CAMK1D: variants seen among roughly 807,000 people sequenced by gnomAD.
CAMK1D encodes calcium/calmodulin dependent protein kinase ID.
CAMK1D carries 9 observed loss-of-function variants against 47.7 expected under a neutral mutation model. The observed-to-expected ratio is 0.19, with a 90% confidence interval of 0.11 to 0.33. CAMK1D has a LOEUF of 0.33. CAMK1D is among the 10% of genes least tolerant of loss of function. The pLI is 1.00. For synonymous variants in CAMK1D, 184 were observed against 184.9 expected (o/e 0.99, Z 0.04); for missense variants, 291 against 488.7 (o/e 0.60, Z 3.81).
chr10:12,649,301 T>C lies in CAMK1D; in HGVS notation c.225-17435T>C, dbSNP rs1178670743. Among the ~76,000 whole-genome samples, 33 of 152,198 alleles carry C rather than the reference T, an allele frequency of 2.2e-4. 1 individual carries two copies. The highest frequency in any genetic ancestry group is 2.2e-3 in the Admixed American group (33 of 15,284). On this transcript the variant is annotated intron_variant, in intron 2 of 10. Coordinates refer to ENST00000619168, the MANE Select transcript of CAMK1D (RefSeq NM_153498.4). ...TTCCAAGTGTGAGTGAATGTTAAGATAGGAAGAAAAGAGCCAGCAGATAGA... is the reference window on the plus strand; with the variant it reads ...TTCCAAGTGTGAGTGAATGTTAAGACAGGAAGAAAAGAGCCAGCAGATAGA...
chr10:12,510,644 G>A (rs914715265), intron 1 of CAMK1D, among the ~76,000 whole-genome samples: 1 of 152,100 alleles, frequency 6.6e-6, no homozygotes, highest in Non-Finnish European at 1.5e-5. Context: ...TGCCACCTCC[G>A]GGACCCCCCT....
At chr10:12,538,532 A>C (rs1417415548) in intron 1 of CAMK1D, among the ~76,000 whole-genome samples, 4 of 152,176 alleles carry the variant, frequency 2.6e-5, no homozygotes, top group Non-Finnish European at 4.4e-5. Context: ...AAATCATGCT[A>C]GTATTACATT....
rs1332169260 is a variant in CAMK1D, at chr10:12,613,500, A to G, written c.225-53236A>G. The stretch of plus-strand genomic sequence containing the variant: ...TGGAACCCATTTCAACACTTTGTCC[A>G]TACAGTGGTTGAGAGTCGGTATCTA... On this transcript the variant is annotated intron_variant, in intron 2 of 10. Transcript: ENST00000619168. Among the ~76,000 whole-genome samples the G allele has an allele frequency of 3.3e-5, 5 of 152,234 alleles. No homozygotes were observed. The East Asian group carries it at 7.7e-4, about 23-fold the overall frequency.
At position 12,830,923 on chromosome 10, in the gene CAMK1D, A is replaced by G. The variant is rs61852169; in HGVS notation, c.*2036A>G. On this transcript the variant is annotated 3_prime_UTR_variant, in exon 11 of 11. Transcript: ENST00000619168. ...TGAGTGATGCCCCCCCACCCTCTCA[A>G]TAAACACACACACACACACACACAC... 9,116 of 134,050 alleles carry G rather than the reference A, an allele frequency of 0.068. 340 individuals carry two copies. Among genetic ancestry groups the G allele is most frequent in the South Asian group, 0.1 (415 of 3,964 alleles). The allele number at this position is 134,050 out of a possible 1,614,324, so 8.3% of individuals were successfully genotyped here.
intron 1 of CAMK1D, among the ~76,000 whole-genome samples, chr10:12,438,054 G>A (rs115410146): frequency 0.012 from 1,894 of 152,296 alleles, 50 homozygotes; most frequent in African/African-American, 0.043. Context: ...TGCATAAACT[G>A]TTTAGGTGCA....
intron 1 of CAMK1D, among the ~76,000 whole-genome samples, chr10:12,494,100 C>T (rs528141524): frequency 6.6e-6 from 1 of 152,032 alleles, no homozygotes; most frequent in Non-Finnish European, 1.5e-5. Context: ...CTGAGCCTGC[C>T]GTGGTTCCCA....
In CAMK1D at chr10:12,531,844, G is replaced by A. The variant is rs1835816022; in HGVS notation, c.93-21381G>A. On this transcript the variant is annotated intron_variant, in intron 1 of 10. Coordinates refer to ENST00000619168, the MANE Select transcript of CAMK1D (RefSeq NM_153498.4). ...TTGCTTTTGCTGGTCTTCCTACCTG[G>A]GTGGTTGGTACAGCAAATAACTGCT... 3.9e-5 allele frequency among the ~76,000 whole-genome samples: 6 copies of A among 152,216 alleles called. No homozygotes were observed. The South Asian group carries it at 1.2e-3, about 31-fold the overall frequency.
intron 3 of CAMK1D, among the ~76,000 whole-genome samples, chr10:12,732,604 G>C (rs111944704): frequency 6.6e-6 from 1 of 151,904 alleles, no homozygotes; most frequent in South Asian, 2.1e-4. Context: ...ATCAGATCTC[G>C]TGAGATTTAT....
intron 6 of CAMK1D, among the ~76,000 whole-genome samples, chr10:12,806,896 G>A (rs1838757199): frequency 1.3e-5 from 2 of 152,296 alleles, no homozygotes; most frequent in South Asian, 4.1e-4. Flanking sequence ...GGCTGTGGCG[G>A]TCTGGCTAGA....
rs1283572557 is a variant in CAMK1D at position 12,413,597 on chromosome 10, GTGA to G, written c.92+63696_92+63698del. Among the ~76,000 whole-genome samples the G allele has an allele frequency of 5.9e-4, 90 of 152,052 alleles. 1 individual carries two copies. Among genetic ancestry groups the G allele is most frequent in the African/African-American group, 8.9e-4 (37 of 41,422 alleles). On this transcript the variant is annotated intron_variant, in intron 1 of 10. Transcript: ENST00000619168. The stretch of plus-strand genomic sequence containing the variant: ...GGGGATGATGATAGTACTGGTGGTG[GTGA>G]TGATGATGGTGATGCTAATTATGGA...
chr10:12,756,650 G>T (rs138577820), intron 3 of CAMK1D, among the ~76,000 whole-genome samples: 134 of 152,290 alleles, frequency 8.8e-4, no homozygotes, highest in African/African-American at 2.9e-3. Flanking sequence ...AACACAGCTG[G>T]GCACGGTGGC....
intron 3 of CAMK1D, among the ~76,000 whole-genome samples, chr10:12,752,396 A>G (rs1262625969): frequency 6.6e-6 from 1 of 152,198 alleles, no homozygotes; most frequent in Non-Finnish European, 1.5e-5. Context: ...ATACTAAATA[A>G]TGTGTACATA....
At chr10:12,504,599 A>C (rs530728459) in intron 1 of CAMK1D, among the ~76,000 whole-genome samples, 4 of 152,300 alleles carry the variant, frequency 2.6e-5, no homozygotes, top group Non-Finnish European at 4.4e-5. Flanking sequence ...ACACACCTAG[A>C]AACGATGCTT....
intron 3 of CAMK1D, among the ~76,000 whole-genome samples, chr10:12,749,483 G>C (rs1158263229): frequency 6.7e-6 from 1 of 150,012 alleles, no homozygotes; most frequent in Non-Finnish European, 1.5e-5. Context: ...TTGTAAGAAT[G>C]GCTTTTGTCC....
At chr10:12,607,506 G>A (rs548368498) in intron 2 of CAMK1D, among the ~76,000 whole-genome samples, 4 of 152,290 alleles carry the variant, frequency 2.6e-5, no homozygotes, top group South Asian at 2.1e-4. Context: ...ATCCCTGAGC[G>A]GGTCCCGTGT....
At chr10:12,663,966 C>T (rs1840352336) in intron 2 of CAMK1D, among the ~76,000 whole-genome samples, 1 of 152,124 alleles carries the variant, frequency 6.6e-6, no homozygotes, top group African/African-American at 2.4e-5. Flanking sequence ...GTTAATTAAA[C>T]CACTTTTCTT....
intron 2 of CAMK1D, among the ~76,000 whole-genome samples, chr10:12,584,498 A>G (rs956770365): frequency 2.6e-5 from 4 of 152,170 alleles, no homozygotes; most frequent in South Asian, 2.1e-4. Context: ...CAAGGATCCA[A>G]TTTACTGAAG....
At chr10:12,559,153 T>A (rs10795965) in intron 2 of CAMK1D, among the ~76,000 whole-genome samples, 6 of 151,516 alleles carry the variant, frequency 4.0e-5, no homozygotes, top group African/African-American at 1.2e-4. Flanking sequence ...ATAAAACAAT[T>A]AAAAAACTAG....
At chr10:12,491,998 T>G (rs1240956825) in intron 1 of CAMK1D, among the ~76,000 whole-genome samples, 1 of 152,204 alleles carries the variant, frequency 6.6e-6, no homozygotes, top group Non-Finnish European at 1.5e-5. Flanking sequence ...TTGGCCAGGC[T>G]GGTCTCGAAC....
Sources: gnomAD v4.1 joint callset for allele counts (sites outside exome capture counted in the v4.1 genomes callset) on GRCh38, gnomAD v4.1.1 for gene constraint, MANE v1.5 for transcripts, NCBI Gene and HGNC (gene_info 2026-07-23, HGNC 2026-07-21) for gene names.